ATP8A1: variants seen among roughly 807,000 people sequenced by gnomAD.
The protein encoded by ATP8A1 is ATPase phospholipid transporting 8A1.
ATP8A1 carries 90 observed loss-of-function variants against 177.7 expected under a neutral mutation model. The observed-to-expected ratio is 0.51, with a 90% CI of 0.43 to 0.60. The LOEUF (loss-of-function observed/expected upper bound fraction) is 0.60. ATP8A1 is among the 20% of genes least tolerant of loss of function. The probability of loss-of-function intolerance (pLI) is 0.00; values close to 1 mark genes in which losing one functional copy is unlikely to be tolerated. For synonymous variants in ATP8A1, 493 were observed against 485.9 expected, an observed-to-expected ratio of 1.01 and a Z score of -0.19; for missense variants, 1,072 against 1,392.8, an observed-to-expected ratio of 0.77 and a Z score of 3.67.
intron 33 of ATP8A1, among the ~76,000 whole-genome samples, chr4:42,427,506 G>A (rs1367275920): frequency 6.6e-6 from 1 of 152,230 alleles, no homozygotes; most frequent in Non-Finnish European, 1.5e-5. Flanking sequence ...GTGTATGGTG[G>A]AATAGGTATT....
In ATP8A1 at chr4:42,410,077, G is replaced by A. The variant is rs1466899270; in HGVS notation, c.*2839C>T. On this transcript the variant is annotated 3_prime_UTR_variant, in exon 37 of 37. Transcript: ENST00000381668. Reference sequence around the variant, plus strand: ...GCACAGAGTGGAGGTGGGAGGACGGGAAGTACATATATCATTTAAAATTTA... The same window carrying A: ...GCACAGAGTGGAGGTGGGAGGACGGAAAGTACATATATCATTTAAAATTTA... 1 of 152,160 alleles carries A rather than the reference G, an allele frequency of 6.6e-6. No individual in the cohort carries two copies. Among genetic ancestry groups the A allele is most frequent in the Non-Finnish European group, 1.5e-5 (1 of 68,014 alleles). 9.4% of individuals were successfully genotyped at this position (152,160 alleles called of 1,614,324 possible).
At chr4:42,445,954 C>T (rs748897473) in intron 31 of ATP8A1, among the ~76,000 whole-genome samples, 1 of 151,790 alleles carries the variant, frequency 6.6e-6, no homozygotes, top group South Asian at 2.1e-4. Flanking sequence ...ATGGCACACG[C>T]CTGTAATTCC....
chr4:42,624,454 A>C, intron 4 of ATP8A1, 82 bp downstream of exon 4: 1 of 740,542 alleles, frequency 1.4e-6, no homozygotes, highest in Non-Finnish European at 2.1e-6. Context: ...GCCAAGAATT[A>C]AATAATTTAA....
intron 1 of ATP8A1, among the ~76,000 whole-genome samples, chr4:42,628,333 G>A (rs894738610): frequency 6.6e-6 from 1 of 152,194 alleles, no homozygotes; most frequent in African/African-American, 2.4e-5. Flanking sequence ...TGAGAAGCAT[G>A]AGCACAGGGA....
At position 42,414,655 on chromosome 4, in the gene ATP8A1, G is replaced by T. The variant is rs1354391900; in HGVS notation, c.3369C>A (p.Arg1123=). The T allele has an allele frequency of 6.2e-7, 1 of 1,613,798 alleles. No homozygotes were observed. Among genetic ancestry groups the T allele is most frequent in the Non-Finnish European group, 8.5e-7 (1 of 1,179,826 alleles). Residue 1123 remains arginine (R), a synonymous_variant, in exon 36 of 37, where the codon CGC becomes CGA. Transcript: ENST00000381668. ...GCAGATTTTGTTGCAAGGATTCAGA[G>T]CGGTACAAGTTCACGTGGTTCTTCT... ...VFKKNHVNLY[R]SESLQQNLLH... is the part of the protein sequence containing the mutation.
Position 42,413,029 on chromosome 4 carries a change from A to G in ATP8A1, c.3398-16T>C. ...GCATACCCATCTGTAGGTTAATGATAAAACAGAAATTCTCACAAAGGCACT... is the reference window on the plus strand; with the variant it reads ...GCATACCCATCTGTAGGTTAATGATGAAACAGAAATTCTCACAAAGGCACT... On this transcript the variant is annotated splice_polypyrimidine_tract_variant and intron_variant, in intron 36 of 36. Coordinates refer to ENST00000381668, the MANE Select transcript of ATP8A1 (RefSeq NM_006095.2). 1.9e-6 allele frequency: 3 copies of G among 1,607,810 alleles called. No individual in the cohort carries two copies. The highest frequency in any genetic ancestry group is 2.6e-6 in the Non-Finnish European group (3 of 1,175,102).
At chr4:42,535,205 C>T (rs1337179598) in intron 20 of ATP8A1, among the ~76,000 whole-genome samples, 1 of 152,036 alleles carries the variant, frequency 6.6e-6, no homozygotes, top group African/African-American at 2.4e-5. Flanking sequence ...AACCAAGTAT[C>T]TGCTGTCTTT....
intron 1 of ATP8A1, among the ~76,000 whole-genome samples, chr4:42,639,485 G>T (rs1179058263): frequency 6.6e-6 from 1 of 152,128 alleles, no homozygotes; most frequent in Non-Finnish European, 1.5e-5. Context: ...GTCTATCAAG[G>T]ATAATCATCT....
chr4:42,623,991 A>G (rs1383381777), intron 4 of ATP8A1, among the ~76,000 whole-genome samples: 1 of 152,162 alleles, frequency 6.6e-6, no homozygotes, highest in African/African-American at 2.4e-5. Context: ...GCCTGAATTT[A>G]TTTGGTAGAG....
intron 30 of ATP8A1, among the ~76,000 whole-genome samples, chr4:42,451,369 G>A (rs192273014): frequency 5.1e-4 from 77 of 152,204 alleles, no homozygotes; most frequent in African/African-American, 1.7e-3. Flanking sequence ...AGGCAAAGTC[G>A]GCTCCAAGAC....
intron 24 of ATP8A1, among the ~76,000 whole-genome samples, chr4:42,496,627 T>C (rs1198093233): frequency 6.6e-6 from 1 of 151,976 alleles, no homozygotes; most frequent in African/African-American, 2.4e-5. Context: ...GTTGGGCCCA[T>C]TTTCTAAATA....
intron 19 of ATP8A1, among the ~76,000 whole-genome samples, chr4:42,547,540 A>T (rs544628244): frequency 6.6e-6 from 1 of 152,322 alleles, no homozygotes; most frequent in South Asian, 2.1e-4. Flanking sequence ...AGTGTGGTTT[A>T]AAAAACGTAT....
At chr4:42,484,818 AG>A (rs1028350155) in intron 25 of ATP8A1, among the ~76,000 whole-genome samples, 1 of 152,190 alleles carries the variant, frequency 6.6e-6, no homozygotes, top group African/African-American at 2.4e-5. Context: ...GGAAATCCTT[AG>A]TTTTCATGGT....
intron 24 of ATP8A1, among the ~76,000 whole-genome samples, chr4:42,488,441 A>C (rs917018745): frequency 6.6e-6 from 1 of 151,562 alleles, no homozygotes; most frequent in Non-Finnish European, 1.5e-5. Context: ...TACCAGGCGC[A>C]GCAAGTTAGA....
intron 1 of ATP8A1, among the ~76,000 whole-genome samples, chr4:42,635,754 T>TACAC (rs375888383): frequency 3.7e-5 from 3 of 81,824 alleles, no homozygotes; most frequent in South Asian, 4.4e-4. Context: ...TACATATATA[T>TACAC]ACACACACAC....
chr4:42,582,424 A>T (rs1433413102), intron 9 of ATP8A1, among the ~76,000 whole-genome samples: 3 of 151,984 alleles, frequency 2.0e-5, no homozygotes, highest in African/African-American at 7.2e-5. Flanking sequence ...TAAAAGTGTT[A>T]GGAAGTGATG....
chr4:42,638,948 T>A (rs1739658361), intron 1 of ATP8A1, among the ~76,000 whole-genome samples: 1 of 152,200 alleles, frequency 6.6e-6, no homozygotes, highest in Non-Finnish European at 1.5e-5. Context: ...GTAGTAATGA[T>A]ACTCTTCAAA....
At position 42,551,117 on chromosome 4, in the gene ATP8A1, G is replaced by A. The variant is rs750961755; in HGVS notation, c.1602+81C>T. ...GTGGGGAACCTCTATTTTACTATGA[G>A]CCTTTTGGTATTACTTTATCTTTGA... On this transcript the variant is annotated intron_variant, in intron 18 of 36. Coordinates refer to ENST00000381668, the MANE Select transcript of ATP8A1 (RefSeq NM_006095.2). 1.3e-4 allele frequency: 153 copies of A among 1,169,210 alleles called. 1 individual carries two copies. The highest frequency in any genetic ancestry group is 1.9e-4 in the Non-Finnish European group (145 of 780,786). The allele number at this position is 1,169,210 out of a possible 1,614,324, so 72.4% of individuals were successfully genotyped here.
intron 4 of ATP8A1, among the ~76,000 whole-genome samples, chr4:42,617,175 C>T (rs182379451): frequency 2.4e-4 from 37 of 152,288 alleles, no homozygotes; most frequent in Non-Finnish European, 7.3e-5. Flanking sequence ...TGGATTAGCA[C>T]TCCAGGACAT....
Sources: gnomAD v4.1 joint callset for allele counts (sites outside exome capture counted in the v4.1 genomes callset) on GRCh38, gnomAD v4.1.1 for gene constraint, MANE v1.5 for transcripts, NCBI Gene and HGNC (gene_info 2026-07-23, HGNC 2026-07-21) for gene names.